The following CCSER1 variants were observed in gnomAD, a reference collection of about 807,000 sequenced individuals.
CCSER1 encodes the protein coiled-coil serine rich protein 1.
In CCSER1, 41 loss-of-function variants were observed where a neutral mutation model predicts 82.0. That is an observed-to-expected ratio of 0.50 (90% CI 0.39 to 0.65). The LOEUF (loss-of-function observed/expected upper bound fraction) is 0.65. Among genes scored for constraint, CCSER1 ranks in the 30% least tolerant of loss-of-function variants. The pLI is 0.00. For synonymous variants in CCSER1, 414 were observed against 383.9 expected (o/e 1.08, Z -0.92); for missense variants, 1,119 against 1,064.2 (o/e 1.05, Z -0.72).
intron 7 of CCSER1, among the ~76,000 whole-genome samples, chr4:90,804,371 T>A (rs942695579): frequency 6.6e-6 from 1 of 150,454 alleles, no homozygotes; most frequent in Non-Finnish European, 1.5e-5. Flanking sequence ...CTTTGATACA[T>A]CTTGAGTTGA....
At chr4:90,476,421 G>C (rs1229718452) in intron 5 of CCSER1, among the ~76,000 whole-genome samples, 1 of 152,092 alleles carries the variant, frequency 6.6e-6, no homozygotes, top group Non-Finnish European at 1.5e-5. Flanking sequence ...GAGCTTAGAG[G>C]GTCGGTGGGG....
At chr4:90,287,000 T>G (rs1730023750) in intron 1 of CCSER1, among the ~76,000 whole-genome samples, 1 of 151,976 alleles carries the variant, frequency 6.6e-6, no homozygotes, top group Non-Finnish European at 1.5e-5. Flanking sequence ...TGCCTCAGGT[T>G]GCTGCAGCCA....
At chr4:91,335,368 A>G (rs1042046488) in intron 10 of CCSER1, among the ~76,000 whole-genome samples, 5 of 152,216 alleles carry the variant, frequency 3.3e-5, no homozygotes, top group Admixed American at 2.6e-4. Context: ...AACTCCCTAA[A>G]GCTTACCTGT....
At chr4:90,735,265 G>T (rs544674633) in intron 7 of CCSER1, among the ~76,000 whole-genome samples, 3 of 152,190 alleles carry the variant, frequency 2.0e-5, no homozygotes, top group African/African-American at 7.2e-5. Context: ...GTTCATGAGG[G>T]ATATTGTCCT....
At chr4:90,842,052 C>T (rs9999473) in intron 8 of CCSER1, among the ~76,000 whole-genome samples, 3 of 151,684 alleles carry the variant, frequency 2.0e-5, no homozygotes, top group African/African-American at 4.8e-5. Flanking sequence ...TTAAAAAACA[C>T]AGCTTGGCAT....
intron 9 of CCSER1, among the ~76,000 whole-genome samples, chr4:91,070,956 A>G (rs550682474): frequency 6.6e-6 from 1 of 152,352 alleles, no homozygotes; most frequent in African/African-American, 2.4e-5. Context: ...TCTTAAAATT[A>G]TAGAAGAAAT....
intron 9 of CCSER1, among the ~76,000 whole-genome samples, chr4:90,996,967 G>A (rs1439382741): frequency 1.3e-5 from 2 of 152,130 alleles, no homozygotes; most frequent in Admixed American, 6.6e-5. Flanking sequence ...TGAAATTTGT[G>A]TACAAGTTTT....
intron 5 of CCSER1, among the ~76,000 whole-genome samples, chr4:90,601,383 T>A (rs1337352322): frequency 1.3e-5 from 2 of 152,038 alleles, no homozygotes; most frequent in African/African-American, 4.8e-5. Context: ...AAAGTTTTTA[T>A]CAGGAATGAA....
At chr4:91,361,654 A>G (rs1749252441) in intron 10 of CCSER1, among the ~76,000 whole-genome samples, 1 of 151,834 alleles carries the variant, frequency 6.6e-6, no homozygotes, top group Admixed American at 6.6e-5. Flanking sequence ...GTAGAGAATA[A>G]TCATTATATT....
rs181685271 is a variant in CCSER1 at position 90,404,278 on chromosome 4, C to T, written c.1603+4149C>T. ...AATATAACTCCACTGGTCTGGGAAC[C>T]ACACCCCCATTCCCCACAAAAGTCA... On this transcript the variant is annotated intron_variant, in intron 4 of 10. Transcript: ENST00000509176. 4.6e-5 allele frequency: 7 copies of T among 152,328 alleles called. No homozygotes were observed. In the East Asian group the frequency reaches 1.2e-3, roughly 25 times the overall value. The allele number at this position is 152,328 out of a possible 1,614,324, so 9.4% of individuals were successfully genotyped here.
chr4:91,338,286 G>A (rs1747456725), intron 10 of CCSER1, among the ~76,000 whole-genome samples: 1 of 152,062 alleles, frequency 6.6e-6, no homozygotes, highest in East Asian at 1.9e-4. Context: ...TAAATATATA[G>A]ATGAATCCTC....
At chr4:91,534,913 C>T (rs1223165409) in intron 10 of CCSER1, among the ~76,000 whole-genome samples, 1 of 151,706 alleles carries the variant, frequency 6.6e-6, no homozygotes, top group African/African-American at 2.4e-5. Flanking sequence ...CTTCTATTCC[C>T]ATTTGTCCAT....
chr4:90,446,531 G>T (rs1161944819), intron 4 of CCSER1, among the ~76,000 whole-genome samples: 1 of 152,104 alleles, frequency 6.6e-6, no homozygotes, highest in African/African-American at 2.4e-5. Context: ...AAAAGGTAGT[G>T]CAAGGAAGGA....
chr4:90,924,577 T>C (rs1165856227), intron 9 of CCSER1, among the ~76,000 whole-genome samples: 1 of 152,190 alleles, frequency 6.6e-6, no homozygotes, highest in Non-Finnish European at 1.5e-5. Context: ...CTTCTAGCAG[T>C]GTTGTATGTT....
chr4:90,733,315 T>C (rs1009267848), intron 7 of CCSER1, among the ~76,000 whole-genome samples: 3 of 152,230 alleles, frequency 2.0e-5, no homozygotes, highest in African/African-American at 7.2e-5. Context: ...TATATGTGTT[T>C]CCCATTTGTA....
At chr4:90,626,443 G>A (rs961949319) in intron 5 of CCSER1, among the ~76,000 whole-genome samples, 1 of 151,956 alleles carries the variant, frequency 6.6e-6, no homozygotes, top group East Asian at 1.9e-4. Context: ...AACACTAAAC[G>A]GAAGGCTTTA....
At chr4:90,896,309 G>A (rs1489995618) in intron 8 of CCSER1, among the ~76,000 whole-genome samples, 12 of 151,996 alleles carry the variant, frequency 7.9e-5, no homozygotes, top group Middle Eastern at 6.8e-3. Flanking sequence ...TGACATATGG[G>A]ATGGGCATTG....
At chr4:91,079,379 G>T (rs1439942178) in intron 9 of CCSER1, among the ~76,000 whole-genome samples, 1 of 152,192 alleles carries the variant, frequency 6.6e-6, no homozygotes, top group Non-Finnish European at 1.5e-5. Flanking sequence ...AATGCTGAGA[G>T]ATTTTGTCAC....
intron 6 of CCSER1, among the ~76,000 whole-genome samples, chr4:90,632,594 T>TGGGTAGGCA (rs1724658818): frequency 6.6e-6 from 1 of 152,090 alleles, no homozygotes; most frequent in African/African-American, 2.4e-5. Context: ...AGATGAGTAA[T>TGGGTAGGCA]GGGTAGGCAT....
Sources: allele counts gnomAD v4.1 joint callset (sites outside exome capture counted in the v4.1 genomes callset), GRCh38; gene constraint gnomAD v4.1.1; transcripts MANE v1.5; gene names NCBI Gene and HGNC (gene_info 2026-07-23, HGNC 2026-07-21).